C2CD3: variants seen among roughly 807,000 people sequenced by gnomAD.
C2CD3 encodes the protein C2 domain containing 3 centriole elongation regulator.
C2CD3 carries 148 observed loss-of-function variants against 234.0 expected under a neutral mutation model. The observed-to-expected ratio is 0.63, with a 90% CI of 0.55 to 0.72. The LOEUF is 0.72. C2CD3 is among the 30% of genes least tolerant of loss of function. C2CD3 has a pLI of 0.00. For missense variants in C2CD3, 2,577 were observed against 2,811.5 expected, an observed-to-expected ratio of 0.92 and a Z score of 1.89; for synonymous variants, 1,000 against 1,035.4, an observed-to-expected ratio of 0.97 and a Z score of 0.66.
chr11:74,061,337 A>G (rs991745699), intron 24 of C2CD3, among the ~76,000 whole-genome samples: 1 of 152,208 alleles, frequency 6.6e-6, no homozygotes, highest in African/African-American at 2.4e-5. Context: ...GATTCACCAA[A>G]GTTGAAATGA....
chr11:74,170,354 G>C (rs1215094439), intron 1 of C2CD3, among the ~76,000 whole-genome samples: 2 of 152,046 alleles, frequency 1.3e-5, no homozygotes, highest in African/African-American at 4.8e-5. Context: ...CGTGATTCTT[G>C]CCCACAATCA....
chr11:74,154,384 T>C (rs1237165676), intron 3 of C2CD3, among the ~76,000 whole-genome samples: 1 of 152,138 alleles, frequency 6.6e-6, no homozygotes, highest in Non-Finnish European at 1.5e-5. Flanking sequence ...TTCTGAGTTG[T>C]AGTCCTCAAG....
intron 20 of C2CD3, among the ~76,000 whole-genome samples, chr11:74,090,322 A>G (rs1955833310): frequency 6.6e-6 from 1 of 152,102 alleles, no homozygotes; most frequent in Admixed American, 6.5e-5. Context: ...TGAGGTCAGG[A>G]GTTCGAGATC....
chr11:74,122,999 A>T lies in C2CD3; in HGVS notation c.1354T>A (p.Tyr452Asn), dbSNP rs1957270707. The change falls in exon 8 of 33, where the codon TAT becomes AAT. Residue 452 changes from tyrosine to asparagine, a missense_variant. By Grantham distance (143) the Tyr-to-Asn change is moderately radical. Transcript: ENST00000334126. ...YDQSLLENLFYTAPKSDTSIS... is the reference protein window; with the variant it reads ...YDQSLLENLFNTAPKSDTSIS... Reference sequence around the variant, plus strand: ...GTTCAGTGACTTACAGGTGCTGTATAAAATAAATTCTCCAGAAGACTCTGG... The same window carrying T: ...GTTCAGTGACTTACAGGTGCTGTATTAAATAAATTCTCCAGAAGACTCTGG... 6.2e-7 allele frequency: 1 copy of T among 1,613,240 alleles called. No homozygotes were observed. The highest frequency in any genetic ancestry group is 1.3e-5 in the African/African-American group (1 of 75,026).
At chr11:74,099,464 C>T (rs549611986) in intron 15 of C2CD3, among the ~76,000 whole-genome samples, 4 of 152,272 alleles carry the variant, frequency 2.6e-5, no homozygotes, top group African/African-American at 9.6e-5. Flanking sequence ...TAGTAAGGTT[C>T]AAATGAGCTA....
chr11:74,158,130 A>G (rs1856161887), intron 3 of C2CD3, among the ~76,000 whole-genome samples: 1 of 152,194 alleles, frequency 6.6e-6, no homozygotes, highest in South Asian at 2.1e-4. Flanking sequence ...CCAGGCAAGG[A>G]TTTTTTGGGT....
chr11:74,137,855 G>A (rs1957920355), intron 5 of C2CD3, among the ~76,000 whole-genome samples: 2 of 152,072 alleles, frequency 1.3e-5, no homozygotes, highest in African/African-American at 2.4e-5. Flanking sequence ...CAAAGTGTTG[G>A]GATTACAGGC....
chr11:74,021,246 A>AAAACAAAC (rs530716721), intron 32 of C2CD3, among the ~76,000 whole-genome samples: 6 of 152,088 alleles, frequency 3.9e-5, no homozygotes, highest in African/African-American at 1.4e-4. Context: ...CCTGTCTCAA[A>AAAACAAAC]AAACAAACAA....
At chr11:74,139,560 G>A (rs1957975827) in intron 4 of C2CD3, 45 bp downstream of exon 4, 1 of 1,257,282 alleles carries the variant, frequency 8.0e-7, no homozygotes, top group African/African-American at 1.5e-5. Context: ...CACAACTACA[G>A]TGCAGTTAAC....
At chr11:74,118,946 T>C (rs891774896) in intron 8 of C2CD3, among the ~76,000 whole-genome samples, 2 of 151,354 alleles carry the variant, frequency 1.3e-5, no homozygotes, top group African/African-American at 2.4e-5. Flanking sequence ...CTCACCGTGT[T>C]GCCCAGACTG....
chr11:74,085,436 ACTAT>A (rs757238402), intron 21 of C2CD3, 178 bp downstream of exon 21: 40 of 607,910 alleles, frequency 6.6e-5, no homozygotes, highest in Non-Finnish European at 1.1e-4. Flanking sequence ...TTCTCTCTAC[ACTAT>A]CTTTCTCTTA....
intron 1 of C2CD3, 39 bp from the exon 2 acceptor site, chr11:74,168,652 C>T: frequency 1.9e-6 from 3 of 1,562,122 alleles, no homozygotes; most frequent in Admixed American, 1.8e-5. Flanking sequence ...AAAATTTAGA[C>T]TAAATATAGA....
At chr11:74,140,817 GA>G (rs1428963006) in intron 3 of C2CD3, among the ~76,000 whole-genome samples, 2 of 152,206 alleles carry the variant, frequency 1.3e-5, no homozygotes, top group Non-Finnish European at 2.9e-5. Context: ...TGGAGATGAA[GA>G]GGGGTGAGGA....
intron 7 of C2CD3, among the ~76,000 whole-genome samples, chr11:74,127,811 T>C (rs953479927): frequency 5.3e-5 from 8 of 152,154 alleles, no homozygotes; most frequent in African/African-American, 7.2e-5. Context: ...TAGTATCTCA[T>C]TGTCTTGATT....
chr11:74,103,523 T>C lies in C2CD3; in HGVS notation c.2188A>G (p.Asn730Asp), dbSNP rs540648021. The C allele has an allele frequency of 1.5e-4, 238 of 1,614,168 alleles. 2 individuals carry two copies. The South Asian group carries it at 2.5e-3, about 17-fold the overall frequency. ...YTPLCAPTSP[N>D]KALPELNQDM... Reference sequence around the variant, plus strand: ...TGGTTAAGTTCTGGTAGTGCCTTATTTGGACTTGTAGGAGCACAAAGTGGG... The same window carrying C: ...TGGTTAAGTTCTGGTAGTGCCTTATCTGGACTTGTAGGAGCACAAAGTGGG... Residue 730 changes from asparagine to aspartate, a missense_variant, in exon 14 of 33, where the codon AAT becomes GAT. Transcript: ENST00000334126.
At chr11:74,139,524 C>G (rs1957975007) in intron 4 of C2CD3, 81 bp downstream of exon 4, 4 of 1,028,546 alleles carry the variant, frequency 3.9e-6, no homozygotes, top group Non-Finnish European at 6.1e-6. Flanking sequence ...TAATCTTTTA[C>G]TCAACCATAA....
At position 74,034,308 on chromosome 11, in the gene C2CD3, C is replaced by T. The variant is rs113448414; in HGVS notation, c.5882-30G>A. ...ACAGCAACACATATCACTCTTATTA[C>T]AAGGTAGGGCCACAGACCCCTCAAA... On this transcript the variant is annotated intron_variant, in intron 30 of 32. Coordinates refer to ENST00000334126, the MANE Select transcript of C2CD3 (RefSeq NM_001286577.2). The T allele has an allele frequency of 2.0e-5, 30 of 1,516,930 alleles. 1 individual carries two copies. The African/African-American group carries it at 3.3e-4, about 17-fold the overall frequency. 94.0% of individuals were successfully genotyped at this position (1,516,930 alleles called of 1,614,324 possible). A position where few individuals can be genotyped will look rare whatever the true frequency, so the allele number is the denominator to read the frequency against.
At chr11:74,044,003 T>C (rs1478165408) in intron 28 of C2CD3, among the ~76,000 whole-genome samples, 1 of 151,940 alleles carries the variant, frequency 6.6e-6, no homozygotes, top group Non-Finnish European at 1.5e-5. Context: ...TTTTAATTTT[T>C]TGTGGAGATG....
At position 74,090,834 on chromosome 11, in the gene C2CD3, C is replaced by T. The variant is rs1955862520; in HGVS notation, c.3620G>A (p.Cys1207Tyr). 6.2e-7 allele frequency: 1 copy of T among 1,614,032 alleles called. No homozygotes were observed. The highest frequency in any genetic ancestry group is 8.5e-7 in the Non-Finnish European group (1 of 1,180,002). The stretch of plus-strand genomic sequence containing the variant: ...TTACTTGGCTGCTGCTTGCAGACCA[C>T]AGGCTCTGATAATCTGGACTGAGAT... ...VSISVQIIRA[C>Y]GLQAAAKALA... The change falls in exon 20 of 33, where the codon TGT becomes TAT. Residue 1207 changes from cysteine (C) to tyrosine (Y), a missense_variant. By Grantham distance (194) the Cys-to-Tyr change is radical (BLOSUM62 -2). Coordinates refer to ENST00000334126, the MANE Select transcript of C2CD3 (RefSeq NM_001286577.2).
Sources: allele counts gnomAD v4.1 joint callset (sites outside exome capture counted in the v4.1 genomes callset), GRCh38; gene constraint gnomAD v4.1.1; transcripts MANE v1.5; gene names NCBI Gene and HGNC (gene_info 2026-07-23, HGNC 2026-07-21).